CACUL1: variants seen among roughly 807,000 people sequenced by gnomAD.
CACUL1 encodes CDK2-associated and cullin domain-containing protein 1.
In CACUL1, 13 loss-of-function variants were observed where a neutral mutation model predicts 45.2. The ratio of observed to expected loss-of-function variants is 0.29; its 90% CI spans 0.19 to 0.46. The LOEUF (loss-of-function observed/expected upper bound fraction) is 0.46, where lower values mean the gene tolerates loss of function less well. CACUL1 is among the 20% of genes least tolerant of loss of function. The pLI is 1.00. For synonymous variants in CACUL1, 197 were observed against 174.2 expected, an observed-to-expected ratio of 1.13 and a Z score of -1.03; for missense variants, 421 against 471.4, an observed-to-expected ratio of 0.89 and a Z score of 0.99.
rs1003364499 is a variant in CACUL1 at position 118,735,835 on chromosome 10, ATAAT to A, written c.368-5429_368-5426del. 1.2e-4 allele frequency among the ~76,000 whole-genome samples: 18 copies of A among 152,306 alleles called. No homozygotes were observed. In the East Asian group the frequency reaches 1.9e-3, roughly 16 times the overall value. On this transcript the variant is annotated intron_variant, in intron 1 of 8. Coordinates refer to ENST00000369151, the MANE Select transcript of CACUL1 (RefSeq NM_153810.5). Reference sequence around the variant, plus strand: ...TGTAGTAATGGCAATTATAAAATAAATAATTAAGCCAAATTTAAAAGGCTAAATT... The same window carrying A: ...TGTAGTAATGGCAATTATAAAATAAATAAGCCAAATTTAAAAGGCTAAATT...
At chr10:118,753,886 G>A (rs1011829963) in intron 1 of CACUL1, among the ~76,000 whole-genome samples, 1 of 152,212 alleles carries the variant, frequency 6.6e-6, no homozygotes, top group Non-Finnish European at 1.5e-5. Flanking sequence ...AAGGAACAAG[G>A]TGTAGATATA....
chr10:118,705,310 T>G (rs11198567), intron 4 of CACUL1, among the ~76,000 whole-genome samples: 1 of 151,942 alleles, frequency 6.6e-6, no homozygotes, highest in Admixed American at 6.6e-5. Context: ...ATTAGCCATC[T>G]CTTTGAGACT....
intron 1 of CACUL1, among the ~76,000 whole-genome samples, chr10:118,736,161 T>C (rs533325346): frequency 2.6e-5 from 4 of 152,196 alleles, no homozygotes; most frequent in East Asian, 3.9e-4. Flanking sequence ...GAAGCCCTTG[T>C]AGATAAAGAA....
chr10:118,698,238 G>A (rs1845342601), intron 5 of CACUL1, among the ~76,000 whole-genome samples: 2 of 151,708 alleles, frequency 1.3e-5, no homozygotes, highest in East Asian at 1.9e-4. Flanking sequence ...CTGACTCCTG[G>A]GTTCAAGTGA....
rs148232409 is a variant in CACUL1 at position 118,686,353 on chromosome 10, G to C, written c.1070-185C>G. On this transcript the variant is annotated intron_variant, in intron 8 of 8. Coordinates refer to ENST00000369151, the MANE Select transcript of CACUL1 (RefSeq NM_153810.5). ...GGGGACTGAGAACCTAAGGAACTGG[G>C]ACTGGGCTACGATGTCATCCCAGTA... Among the ~76,000 whole-genome samples the C allele has an allele frequency of 3.9e-3, 595 of 152,274 alleles. 5 individuals are homozygous for C. Among genetic ancestry groups the C allele is most frequent in the African/African-American group, 0.012 (494 of 41,560 alleles).
At chr10:118,698,148 C>CTTT (rs1021447229) in intron 5 of CACUL1, among the ~76,000 whole-genome samples, 3 of 136,206 alleles carry the variant, frequency 2.2e-5, no homozygotes, top group African/African-American at 8.0e-5. Context: ...ACCTCTTTTG[C>CTTT]TTTTTTTTTT....
intron 3 of CACUL1, among the ~76,000 whole-genome samples, chr10:118,709,874 C>T (rs949799775): frequency 1.5e-4 from 23 of 151,762 alleles, no homozygotes; most frequent in African/African-American, 5.6e-4. Context: ...ACGCTAGGTG[C>T]TTTTATTTAC....
intron 8 of CACUL1, 66 bp downstream of exon 8, chr10:118,686,532 C>A: frequency 1.7e-6 from 2 of 1,179,402 alleles, no homozygotes; most frequent in Non-Finnish European, 2.6e-6. Context: ...ACTGTTATCA[C>A]AGTGCATTAA....
intron 3 of CACUL1, among the ~76,000 whole-genome samples, chr10:118,728,052 TAAC>T (rs1564836245): frequency 6.6e-6 from 1 of 152,132 alleles, no homozygotes; most frequent in South Asian, 2.1e-4. Context: ...AAATTTATAC[TAAC>T]AACAAGAAAA....
intron 1 of CACUL1, among the ~76,000 whole-genome samples, chr10:118,749,298 A>C (rs1348265406): frequency 6.6e-6 from 1 of 152,226 alleles, no homozygotes; most frequent in African/African-American, 2.4e-5. Flanking sequence ...TTAAAGAGGC[A>C]GCAGGGCCAG....
At chr10:118,709,898 A>T (rs990741234) in intron 3 of CACUL1, among the ~76,000 whole-genome samples, 28 of 151,566 alleles carry the variant, frequency 1.8e-4, no homozygotes, top group African/African-American at 5.3e-4. Context: ...TCTTTTTTTT[A>T]AATTATTATT....
At position 118,677,958 on chromosome 10, in the gene CACUL1, G is replaced by C. The variant is rs1294792775; in HGVS notation, c.*8170C>G. On this transcript the variant is annotated 3_prime_UTR_variant, in exon 9 of 9. Transcript: ENST00000369151. ...GTGCAGATTTACACGCCAACAACAG[G>C]TGAAGGTTTGTTGTCATAAACTCTC... The C allele has an allele frequency of 6.6e-6, 1 of 152,198 alleles. No homozygotes were observed. The highest frequency in any genetic ancestry group is 6.5e-5 in the Admixed American group (1 of 15,290). The allele number at this position is 152,198 out of a possible 1,614,324, so 9.4% of individuals were successfully genotyped here. A position where few individuals can be genotyped will look rare whatever the true frequency, so the allele number is the denominator to read the frequency against.
rs1485978861 is a variant in CACUL1 at position 118,684,291 on chromosome 10, CCACT to C, written c.*1833_*1836del. ...ATTCCTTTCAGAAAAATTATTAATA[CCACT>C]CACTCAGACTTCAGTTCTAGGTGTG... On this transcript the variant is annotated 3_prime_UTR_variant, in exon 9 of 9. Transcript: ENST00000369151. 1.3e-5 allele frequency: 2 copies of C among 152,480 alleles called. No homozygotes were observed. The highest frequency in any genetic ancestry group is 2.9e-5 in the Non-Finnish European group (2 of 68,042). 9.4% of individuals were successfully genotyped at this position (152,480 alleles called of 1,614,324 possible). A position where few individuals can be genotyped will look rare whatever the true frequency, so the allele number is the denominator to read the frequency against.
In CACUL1 at chr10:118,678,890, A is replaced by G. The variant is rs1845122848; in HGVS notation, c.*7238T>C. ...ATTAGCTGTACTATTTAAATCTTCT[A>G]TGTCCTTAATAATCTTCATAATTTA... is the stretch of plus-strand genomic sequence containing the variant. On this transcript the variant is annotated 3_prime_UTR_variant, in exon 9 of 9. Coordinates refer to ENST00000369151, the MANE Select transcript of CACUL1 (RefSeq NM_153810.5). The G allele has an allele frequency of 6.6e-6, 1 of 152,304 alleles. No individual in the cohort carries two copies. The highest frequency in any genetic ancestry group is 2.1e-4 in the South Asian group (1 of 4,834). The allele number at this position is 152,304 out of a possible 1,614,324, so 9.4% of individuals were successfully genotyped here.
Position 118,679,373 on chromosome 10 carries a change from ATTTATT to A in CACUL1, c.*6749_*6754del, listed in dbSNP as rs1845130092. 1 of 134,774 alleles carries A rather than the reference ATTTATT, an allele frequency of 7.4e-6. No individual in the cohort carries two copies. The highest frequency in any genetic ancestry group is 3.0e-5 in the African/African-American group (1 of 33,140). The allele number at this position is 134,774 out of a possible 1,614,324, so 8.3% of individuals were successfully genotyped here. On this transcript the variant is annotated 3_prime_UTR_variant, in exon 9 of 9. Coordinates refer to ENST00000369151, the MANE Select transcript of CACUL1 (RefSeq NM_153810.5). ...TGCCACCATGCCTAATTTTTTTTTA[ATTTATT>A]TTTATTTTTTATTTTTTGTAGAGAC...
At chr10:118,686,699 G>T (rs769546926) in intron 7 of CACUL1, 58 bp from the exon 8 acceptor site, 27 of 1,181,050 alleles carry the variant, frequency 2.3e-5, no homozygotes, top group Non-Finnish European at 3.2e-5. Context: ...AGGAGGAAAG[G>T]ATCAACATAT....
At chr10:118,739,276 T>C (rs150567635) in intron 1 of CACUL1, among the ~76,000 whole-genome samples, 69 of 151,118 alleles carry the variant, frequency 4.6e-4, no homozygotes, top group Admixed American at 1.1e-3. Context: ...TGTAGCAAAA[T>C]GCAGTTAACA....
At chr10:118,700,303 C>T (rs556376775) in intron 5 of CACUL1, among the ~76,000 whole-genome samples, 9 of 152,138 alleles carry the variant, frequency 5.9e-5, no homozygotes, top group African/African-American at 9.6e-5. Context: ...TTTAAAAGGA[C>T]GCTGAGGACA....
chr10:118,728,814 C>G (rs547044785), intron 3 of CACUL1, among the ~76,000 whole-genome samples: 1 of 152,202 alleles, frequency 6.6e-6, no homozygotes, highest in East Asian at 1.9e-4. Flanking sequence ...CTGCAACCTG[C>G]CCCAGATTTT....
Sources: allele counts gnomAD v4.1 joint callset (sites outside exome capture counted in the v4.1 genomes callset), GRCh38; gene constraint gnomAD v4.1.1; transcripts MANE v1.5; gene names NCBI Gene and HGNC (gene_info 2026-07-23, HGNC 2026-07-21).